The following ANXA5 variants were observed in gnomAD, a reference collection of about 807,000 sequenced individuals.
The protein encoded by ANXA5 is annexin A5, also known as CBP-I.
In ANXA5, 40 loss-of-function variants were observed where a neutral mutation model predicts 48.1. That is an observed-to-expected ratio of 0.83 (90% CI 0.65 to 1.08). The LOEUF (loss-of-function observed/expected upper bound fraction) is 1.08. ANXA5 is among the 50% of genes least tolerant of loss of function. The pLI, the probability that ANXA5 is intolerant of heterozygous loss-of-function variation, is 0.00. For missense variants in ANXA5, 357 were observed against 376.8 expected (o/e 0.95, Z 0.44); for synonymous variants, 113 against 129.1 (o/e 0.88, Z 0.85).
intron 6 of ANXA5, among the ~76,000 whole-genome samples, chr4:121,679,764 A>G (rs1425515092): frequency 6.6e-6 from 1 of 152,162 alleles, no homozygotes; most frequent in Non-Finnish European, 1.5e-5. Context: ...ATGGACAAAT[A>G]AAAATTGTAT....
At chr4:121,686,397 T>TATTC in intron 2 of ANXA5, 25 bp from the exon 3 acceptor site, 1 of 1,555,596 alleles carries the variant, frequency 6.4e-7, no homozygotes, top group Non-Finnish European at 8.9e-7. Context: ...ACAGTGGTAT[T>TATTC]ATTCATATCA....
At chr4:121,682,023 A>G (rs537320646) in intron 5 of ANXA5, among the ~76,000 whole-genome samples, 11 of 152,204 alleles carry the variant, frequency 7.2e-5, no homozygotes, top group Non-Finnish European at 1.5e-4. Context: ...ACGTATACAT[A>G]ACCAGTTACA....
intron 4 of ANXA5, among the ~76,000 whole-genome samples, chr4:121,683,730 A>C (rs1461076268): frequency 6.6e-6 from 1 of 152,212 alleles, no homozygotes; most frequent in African/African-American, 2.4e-5. Flanking sequence ...AACTTGAAAA[A>C]AAAGAATACC....
At chr4:121,678,024 T>A in intron 7 of ANXA5, 74 bp from the exon 8 acceptor site, 2 of 1,124,316 alleles carry the variant, frequency 1.8e-6, no homozygotes, top group Non-Finnish European at 2.7e-6. Flanking sequence ...TTCCACCTGA[T>A]GGTTATTCAA....
chr4:121,669,311 C>A, intron 12 of ANXA5: 2 of 278,688 alleles, frequency 7.2e-6, no homozygotes, highest in Non-Finnish European at 1.3e-5. Context: ...AGAAAGAACA[C>A]ATTATTATCA....
intron 11 of ANXA5, 106 bp from the exon 12 acceptor site, chr4:121,669,830 G>A (rs1253151975): frequency 1.4e-6 from 2 of 1,462,532 alleles, no homozygotes; most frequent in East Asian, 4.6e-5. Context: ...CAATTTAGTA[G>A]AACTGGGTTG....
At position 121,668,508 on chromosome 4, in the gene ANXA5, T is replaced by G; in HGVS notation, c.923A>C (p.Tyr308Ser). The change falls in exon 13 of 13, where the codon TAT becomes TCT. Residue 308 changes from tyrosine to serine, a missense_variant. By Grantham distance (144) the Tyr-to-Ser change is moderately radical. Transcript: ENST00000296511. ...SMIKGDTSGD[Y>S]KKALLLLCGE... ...ACAGAGCAGCAGAAGAGCTTTCTTA[T>G]AGTCCCCAGATGTATCTCCCTGAAA... is the stretch of plus-strand genomic sequence containing the variant. 6.2e-7 allele frequency: 1 copy of G among 1,613,510 alleles called. No individual in the cohort carries two copies. The highest frequency in any genetic ancestry group is 8.5e-7 in the Non-Finnish European group (1 of 1,179,574).
At chr4:121,684,525 A>G (rs1329209241) in intron 4 of ANXA5, 152 bp downstream of exon 4, 3 of 639,876 alleles carry the variant, frequency 4.7e-6, no homozygotes. Flanking sequence ...CTAAGAGCTG[A>G]TAATTTAGAG....
chr4:121,678,561 A>T, intron 6 of ANXA5, 67 bp from the exon 7 acceptor site: 1 of 1,270,564 alleles, frequency 7.9e-7, no homozygotes, highest in South Asian at 1.3e-5. Context: ...TTGCCCCATT[A>T]ATCAAATGAA....
intron 3 of ANXA5, 24 bp from the exon 4 acceptor site, chr4:121,684,795 C>T (rs950904156): frequency 6.2e-7 from 1 of 1,603,990 alleles, no homozygotes; most frequent in African/African-American, 1.3e-5. Context: ...TTAACAATTA[C>T]ATTTTGGCTC....
At chr4:121,677,112 G>A (rs745949616) in intron 8 of ANXA5, among the ~76,000 whole-genome samples, 5 of 152,100 alleles carry the variant, frequency 3.3e-5, no homozygotes. Flanking sequence ...AAGTGAGATC[G>A]CATATCCATG....
chr4:121,687,664 G>C (rs1412319297), intron 2 of ANXA5, among the ~76,000 whole-genome samples: 1 of 152,194 alleles, frequency 6.6e-6, no homozygotes, highest in East Asian at 1.9e-4. Flanking sequence ...GAGAGAGATA[G>C]CCATGGTGAA....
chr4:121,695,643 C>T (rs914671353), intron 2 of ANXA5, among the ~76,000 whole-genome samples: 3 of 152,124 alleles, frequency 2.0e-5, no homozygotes, highest in Non-Finnish European at 4.4e-5. Flanking sequence ...AGAAACCAGG[C>T]GCAGTGGGAT....
intron 2 of ANXA5, 99 bp from the exon 3 acceptor site, chr4:121,686,471 AT>A (rs1305319583): frequency 7.1e-6 from 6 of 840,198 alleles, no homozygotes; most frequent in Non-Finnish European, 1.2e-5. Flanking sequence ...ATATTCAGTC[AT>A]TAAATAAATT....
intron 2 of ANXA5, among the ~76,000 whole-genome samples, chr4:121,695,319 GTAATCAACTAATCT>G (rs1271344210): frequency 6.6e-6 from 1 of 152,208 alleles, no homozygotes; most frequent in African/African-American, 2.4e-5. Flanking sequence ...GTTTCATAAA[GTAATCAACTAATCT>G]TAATCCTCCC....
chr4:121,674,976 T>A (rs1026903765), intron 8 of ANXA5, among the ~76,000 whole-genome samples: 2 of 152,178 alleles, frequency 1.3e-5, no homozygotes, highest in African/African-American at 4.8e-5. Flanking sequence ...TCAGTGTATA[T>A]AGTCATTAAC....
rs533939121 is a variant in ANXA5, at chr4:121,677,768, G to A, written c.531+126C>T. The A allele has an allele frequency of 3.4e-5, 29 of 850,152 alleles. No homozygotes were observed. In the African/African-American group the frequency reaches 4.4e-4, roughly 13 times the overall value. The allele number at this position is 850,152 out of a possible 1,614,324, so 52.7% of individuals were successfully genotyped here. A position where few individuals can be genotyped will look rare whatever the true frequency, so the allele number is the denominator to read the frequency against. On this transcript the variant is annotated intron_variant, in intron 8 of 12. Transcript: ENST00000296511. ...GCTACTTATGTAGGTCTTATGCTATGTAAATAACCCATTAACAAGATTATC... is the reference window on the plus strand; with the variant it reads ...GCTACTTATGTAGGTCTTATGCTATATAAATAACCCATTAACAAGATTATC...
intron 9 of ANXA5, 149 bp from the exon 10 acceptor site, chr4:121,671,791 C>A: frequency 1.6e-6 from 1 of 626,938 alleles, no homozygotes; most frequent in Non-Finnish European, 2.8e-6. Flanking sequence ...CTCAATGTGC[C>A]AAGCCCTAAG....
intron 11 of ANXA5, 49 bp from the exon 12 acceptor site, chr4:121,669,773 A>T (rs1427824537): frequency 6.3e-7 from 1 of 1,577,712 alleles, no homozygotes; most frequent in South Asian, 1.2e-5. Context: ...AAAACTTCAA[A>T]CATAGGATCA....
Sources: gnomAD v4.1 joint callset for allele counts (sites outside exome capture counted in the v4.1 genomes callset) on GRCh38, gnomAD v4.1.1 for gene constraint, MANE v1.5 for transcripts, NCBI Gene and HGNC (gene_info 2026-07-23, HGNC 2026-07-21) for gene names.